The following CHCHD3 variants were observed in gnomAD, a reference collection of about 807,000 sequenced individuals.
The protein encoded by CHCHD3 is coiled-coil-helix-coiled-coil-helix domain containing 3.
CHCHD3 carries 20 observed loss-of-function variants against 38.2 expected under a neutral mutation model. That is an observed-to-expected ratio of 0.52 (90% CI 0.37 to 0.76). The LOEUF (loss-of-function observed/expected upper bound fraction) is 0.76, where lower values mean the gene tolerates loss of function less well. CHCHD3 is among the 30% of genes least tolerant of loss of function. CHCHD3 has a pLI of 0.00. For missense variants in CHCHD3, 245 were observed against 279.2 expected, an observed-to-expected ratio of 0.88 and a Z score of 0.87; for synonymous variants, 82 against 100.0, an observed-to-expected ratio of 0.82 and a Z score of 1.07.
Position 133,039,869 on chromosome 7 carries a change from G to A in CHCHD3, c.170-15242C>T, listed in dbSNP as rs760961864. ...GGCCAAGAAAATGTGAATGAACAGG[G>A]TGCACGCAGCTTCAGAGTCATCCCC... On this transcript the variant is annotated intron_variant, in intron 2 of 7. Transcript: ENST00000262570. Among the ~76,000 whole-genome samples the A allele has an allele frequency of 1.6e-4, 25 of 152,312 alleles. 1 individual carries two copies. In the South Asian group the frequency reaches 1.9e-3, roughly 11 times the overall value.
At chr7:133,004,607 CA>C (rs1200123260) in intron 3 of CHCHD3, among the ~76,000 whole-genome samples, 2 of 152,054 alleles carry the variant, frequency 1.3e-5, no homozygotes, top group African/African-American at 4.8e-5. Flanking sequence ...GTTGTATATC[CA>C]AAGAGAATGA....
chr7:132,919,531 T>C (rs1810207590), intron 4 of CHCHD3, among the ~76,000 whole-genome samples: 1 of 152,210 alleles, frequency 6.6e-6, no homozygotes, highest in Admixed American at 6.5e-5. Context: ...TACTTTCAAC[T>C]TGGCTAAATC....
In CHCHD3 at chr7:133,074,116, T is replaced by C. The variant is rs150575503; in HGVS notation, c.82-3887A>G. On this transcript the variant is annotated intron_variant, in intron 1 of 7. Transcript: ENST00000262570. ...ACAGTCTCAATGAAAGAACAGGAAT[T>C]AGCCTTTCCACATTCACCTTTCTGC... Among the ~76,000 whole-genome samples, 87 of 152,328 alleles carry C rather than the reference T, an allele frequency of 5.7e-4. 4 individuals carry two copies. Among genetic ancestry groups the C allele is most frequent in the Admixed American group, 3.8e-3 (58 of 15,306 alleles).
chr7:132,851,135 C>T (rs1040953298), intron 5 of CHCHD3, among the ~76,000 whole-genome samples: 7 of 152,164 alleles, frequency 4.6e-5, no homozygotes, highest in African/African-American at 1.7e-4. Context: ...AATACATGCA[C>T]CCACATACCC....
intron 4 of CHCHD3, among the ~76,000 whole-genome samples, chr7:132,908,304 A>C (rs1809847769): frequency 6.6e-6 from 1 of 152,194 alleles, no homozygotes; most frequent in Non-Finnish European, 1.5e-5. Flanking sequence ...CCTTCCATCA[A>C]AAATTCAAAT....
chr7:132,808,906 T>C (rs113830763), intron 6 of CHCHD3, among the ~76,000 whole-genome samples: 11,547 of 124,122 alleles, frequency 0.093, 533 homozygotes, highest in Middle Eastern at 0.14. Flanking sequence ...AAACTGGAAA[T>C]CATCATTCTC....
intron 2 of CHCHD3, among the ~76,000 whole-genome samples, chr7:133,052,349 A>T (rs1814193718): frequency 6.6e-6 from 1 of 152,222 alleles, no homozygotes. Flanking sequence ...AGAGGAATGC[A>T]ATCGTTGATA....
intron 4 of CHCHD3, among the ~76,000 whole-genome samples, chr7:132,945,858 T>C (rs1022941016): frequency 4.6e-5 from 7 of 151,916 alleles, no homozygotes; most frequent in Non-Finnish European, 8.8e-5. Context: ...GATTGTTCAA[T>C]GCAATCTACA....
intron 6 of CHCHD3, among the ~76,000 whole-genome samples, chr7:132,805,558 G>C (rs888102023): frequency 2.0e-5 from 3 of 152,120 alleles, no homozygotes; most frequent in African/African-American, 7.2e-5. Context: ...CTGCCAAGAA[G>C]AGACAGCACA....
At chr7:132,898,198 A>G (rs955579758) in intron 4 of CHCHD3, among the ~76,000 whole-genome samples, 37 of 152,150 alleles carry the variant, frequency 2.4e-4, no homozygotes, top group Admixed American at 6.5e-5. Flanking sequence ...CCAAAGAACA[A>G]AGCTTCCACA....
At chr7:133,034,405 T>C (rs1813589579) in intron 2 of CHCHD3, among the ~76,000 whole-genome samples, 1 of 151,452 alleles carries the variant, frequency 6.6e-6, no homozygotes, top group Admixed American at 6.6e-5. Flanking sequence ...CTAGAATAAA[T>C]GGTAAGAAAG....
At chr7:132,873,052 T>G (rs1468820916) in intron 5 of CHCHD3, among the ~76,000 whole-genome samples, 4 of 151,786 alleles carry the variant, frequency 2.6e-5, no homozygotes, top group Non-Finnish European at 5.9e-5. Context: ...ATCGCACCAC[T>G]GCACTCCAGC....
chr7:133,042,507 C>T (rs1041732864), intron 2 of CHCHD3, among the ~76,000 whole-genome samples: 2 of 152,212 alleles, frequency 1.3e-5, no homozygotes, highest in Non-Finnish European at 1.5e-5. Context: ...CTAGGTTACA[C>T]TCATCATTAT....
intron 7 of CHCHD3, among the ~76,000 whole-genome samples, chr7:132,793,547 C>T (rs1806520679): frequency 6.6e-6 from 1 of 152,184 alleles, no homozygotes; most frequent in African/African-American, 2.4e-5. Context: ...GCTGAAGAAA[C>T]ACTGATATGA....
chr7:133,027,384 A>AGAGAGAGG (rs1012345953), intron 2 of CHCHD3, among the ~76,000 whole-genome samples: 7 of 138,250 alleles, frequency 5.1e-5, no homozygotes, highest in African/African-American at 1.9e-4. Context: ...AGAGAGAGAG[A>AGAGAGAGG]GAAAGAGAGA....
At chr7:132,833,204 A>T (rs905549967) in intron 6 of CHCHD3, among the ~76,000 whole-genome samples, 1 of 152,162 alleles carries the variant, frequency 6.6e-6, no homozygotes, top group Non-Finnish European at 1.5e-5. Flanking sequence ...ATATAATAGA[A>T]ACTAGCACCC....
chr7:132,915,683 C>T lies in CHCHD3; in HGVS notation c.370-29938G>A, dbSNP rs887009932. Among the ~76,000 whole-genome samples, 6 of 152,150 alleles carry T rather than the reference C, an allele frequency of 3.9e-5. No individual in the cohort carries two copies. The East Asian group carries it at 9.6e-4, about 24-fold the overall frequency. On this transcript the variant is annotated intron_variant, in intron 4 of 7. Coordinates refer to ENST00000262570, the MANE Select transcript of CHCHD3 (RefSeq NM_017812.4). ...AAAATCCCTAAGCATTAATCCCACC[C>T]CAACTATTTTACTTGTGCTCTGATT...
intron 2 of CHCHD3, among the ~76,000 whole-genome samples, chr7:133,050,802 G>A (rs897238622): frequency 2.4e-4 from 36 of 152,146 alleles, no homozygotes; most frequent in African/African-American, 8.7e-4. Context: ...ACCACTTGAG[G>A]TCAGGAGTTT....
intron 1 of CHCHD3, among the ~76,000 whole-genome samples, chr7:133,080,671 GTA>G (rs1464676625): frequency 1.4e-4 from 22 of 152,132 alleles, no homozygotes; most frequent in Non-Finnish European, 2.6e-4. Flanking sequence ...ATTACAAAAT[GTA>G]GTACTACCAT....
Sources: gnomAD v4.1 joint callset for allele counts (sites outside exome capture counted in the v4.1 genomes callset) on GRCh38, gnomAD v4.1.1 for gene constraint, MANE v1.5 for transcripts, NCBI Gene and HGNC (gene_info 2026-07-23, HGNC 2026-07-21) for gene names.